The following KIAA1217 variants were observed in gnomAD, a reference collection of about 807,000 sequenced individuals.
KIAA1217 encodes the protein KIAA1217.
Under a neutral mutation model 163.9 loss-of-function variants are expected in KIAA1217, and 88 were observed. The observed-to-expected ratio is 0.54, with a 90% CI of 0.45 to 0.64. KIAA1217 has a LOEUF of 0.64. Ranked by LOEUF, KIAA1217 falls within the 30% of genes least tolerant of loss-of-function variation. The pLI, the probability that KIAA1217 is intolerant of heterozygous loss-of-function variation, is 0.00. For synonymous variants in KIAA1217, 903 were observed against 923.1 expected (o/e 0.98, Z 0.39); for missense variants, 2,372 against 2,475.0 (o/e 0.96, Z 0.88).
chr10:24,511,173 A>AAAGT (rs2069103996), intron 9 of KIAA1217, among the ~76,000 whole-genome samples: 1 of 46,976 alleles, frequency 2.1e-5, no homozygotes, highest in Non-Finnish European at 4.3e-5. Context: ...AAAAAAAAAA[A>AAAGT]GGAGCCTGGC....
chr10:23,964,497 A>G (rs1020910450), intron 1 of KIAA1217, among the ~76,000 whole-genome samples: 1 of 151,914 alleles, frequency 6.6e-6, no homozygotes, highest in African/African-American at 2.4e-5. Flanking sequence ...GTCTTTGCCC[A>G]TGCCTATGTC....
chr10:24,401,971 A>G (rs565588350), intron 3 of KIAA1217, among the ~76,000 whole-genome samples: 5 of 152,224 alleles, frequency 3.3e-5, no homozygotes, highest in Non-Finnish European at 5.9e-5. Flanking sequence ...AGAACATGAA[A>G]TACTTAGGTA....
chr10:23,818,437 A>G (rs1221819663), intron 1 of KIAA1217, among the ~76,000 whole-genome samples: 1 of 150,318 alleles, frequency 6.7e-6, no homozygotes, highest in African/African-American at 2.4e-5. Context: ...ACCCAAAGTG[A>G]AAAATATTTT....
chr10:24,277,045 T>C (rs12775161), intron 2 of KIAA1217, among the ~76,000 whole-genome samples: 48,054 of 152,084 alleles, frequency 0.32, 8,377 homozygotes, highest in Admixed American at 0.47. Context: ...AGATGTGAGC[T>C]GCCATGCCTG....
intron 2 of KIAA1217, among the ~76,000 whole-genome samples, chr10:24,174,630 C>T (rs1377540954): frequency 6.6e-6 from 1 of 152,170 alleles, no homozygotes. Flanking sequence ...ATAAATGTCT[C>T]TTGTTTTAAG....
At chr10:23,764,522 T>G (rs1834417967) in intron 1 of KIAA1217, among the ~76,000 whole-genome samples, 1 of 152,088 alleles carries the variant, frequency 6.6e-6, no homozygotes. Flanking sequence ...CTATTTACAA[T>G]AGCAAAAACA....
At chr10:23,705,050 G>A (rs1588631172) in intron 1 of KIAA1217, among the ~76,000 whole-genome samples, 2 of 152,092 alleles carry the variant, frequency 1.3e-5, no homozygotes, top group South Asian at 4.1e-4. Flanking sequence ...GACTAATGAG[G>A]TTAGGTATCT....
intron 2 of KIAA1217, among the ~76,000 whole-genome samples, chr10:24,011,746 T>C (rs1847243521): frequency 1.3e-5 from 2 of 152,182 alleles, no homozygotes; most frequent in Non-Finnish European, 2.9e-5. Context: ...ACTGAAACAG[T>C]TCTGTTCTTC....
chr10:24,316,121 T>A (rs1181242505), intron 2 of KIAA1217, among the ~76,000 whole-genome samples: 1 of 152,134 alleles, frequency 6.6e-6, no homozygotes, highest in Non-Finnish European at 1.5e-5. Context: ...ATCCTGATAA[T>A]ATATGAAACA....
chr10:24,358,203 A>C (rs1390582948), intron 2 of KIAA1217, among the ~76,000 whole-genome samples: 16 of 152,130 alleles, frequency 1.1e-4, no homozygotes, highest in Admixed American at 6.6e-5. Context: ...AGAAGTGAGC[A>C]AATAAGTAAA....
At chr10:24,377,302 A>T (rs757238173) in intron 2 of KIAA1217, among the ~76,000 whole-genome samples, 3 of 152,208 alleles carry the variant, frequency 2.0e-5, no homozygotes, top group Non-Finnish European at 4.4e-5. Context: ...ATGGATCTCC[A>T]TGGAGCAAGG....
chr10:23,904,976 A>C (rs1391826434), intron 1 of KIAA1217, among the ~76,000 whole-genome samples: 4 of 145,208 alleles, frequency 2.8e-5, no homozygotes, highest in East Asian at 2.0e-4. Context: ...TTTTCTACCC[A>C]CCATCATGAT....
chr10:24,068,827 G>A (rs1255728090), intron 2 of KIAA1217, among the ~76,000 whole-genome samples: 2 of 152,182 alleles, frequency 1.3e-5, no homozygotes, highest in African/African-American at 2.4e-5. Flanking sequence ...TCAGGGAGCT[G>A]GGAGCTGGAA....
chr10:24,404,913 A>G (rs2057036067), intron 3 of KIAA1217, among the ~76,000 whole-genome samples: 2 of 152,220 alleles, frequency 1.3e-5, no homozygotes, highest in African/African-American at 4.8e-5. Context: ...CACTGATACA[A>G]AACATTGTTG....
chr10:24,409,495 G>A lies in KIAA1217; in HGVS notation c.554-23500G>A, dbSNP rs75621574. Among the ~76,000 whole-genome samples the A allele has an allele frequency of 1.6e-3, 239 of 152,300 alleles. 3 individuals are homozygous for A. In the East Asian group the frequency reaches 0.025, roughly 16 times the overall value. On this transcript the variant is annotated intron_variant, in intron 3 of 20. Transcript: ENST00000376454. The stretch of plus-strand genomic sequence containing the variant: ...ATGGCCCAAAGGAACATTTTAGGGT[G>A]ATGCAGATAGTCATTATCTTCATTT...
At chr10:24,402,516 C>CAAAAAAAAAAAAAAAAAA (rs372012492) in intron 3 of KIAA1217, among the ~76,000 whole-genome samples, 19 of 92,902 alleles carry the variant, frequency 2.0e-4, no homozygotes, top group East Asian at 7.2e-4. Flanking sequence ...CTCAAAAAAA[C>CAAAAAAAAAAAAAAAAAA]AAAAAACAAA....
chr10:24,320,532 A>G (rs950714050), intron 2 of KIAA1217, among the ~76,000 whole-genome samples: 8 of 152,198 alleles, frequency 5.3e-5, no homozygotes, highest in Admixed American at 5.2e-4. Flanking sequence ...CTATTATACT[A>G]TAAATATTGC....
At chr10:24,373,915 A>G (rs2052069260) in intron 2 of KIAA1217, among the ~76,000 whole-genome samples, 1 of 152,226 alleles carries the variant, frequency 6.6e-6, no homozygotes, top group African/African-American at 2.4e-5. Flanking sequence ...TGATAATGAA[A>G]TAATACACAC....
At position 24,544,993 on chromosome 10, in the gene KIAA1217, G is replaced by A. The variant is rs564470665; in HGVS notation, c.5224G>A (p.Ala1742Thr). The A allele has an allele frequency of 6.2e-7, 1 of 1,613,978 alleles. No homozygotes were observed. The highest frequency in any genetic ancestry group is 8.5e-7 in the Non-Finnish European group (1 of 1,179,966). ...PSASRKGSSG[A>T]PQTSRMPVPM... Reference sequence around the variant, plus strand: ...GTCCTTCCCACAGGGCTCCAGCGGGGCCCCACAGACGAGCAGGATGCCTGT... The same window carrying A: ...GTCCTTCCCACAGGGCTCCAGCGGGACCCCACAGACGAGCAGGATGCCTGT... The change falls in exon 20 of 21, where the codon GCC (alanine) becomes ACC (threonine). Residue 1742 changes from alanine to threonine, a missense_variant. Coordinates refer to ENST00000376454, the MANE Select transcript of KIAA1217 (RefSeq NM_019590.5).
Sources: allele counts gnomAD v4.1 joint callset (sites outside exome capture counted in the v4.1 genomes callset), GRCh38; gene constraint gnomAD v4.1.1; transcripts MANE v1.5; gene names NCBI Gene and HGNC (gene_info 2026-07-23, HGNC 2026-07-21).